SPOCK3: variants seen among roughly 807,000 people sequenced by gnomAD.
SPOCK3 encodes testican-3.
In SPOCK3, 30 loss-of-function variants were observed where a neutral mutation model predicts 56.6. That is an observed-to-expected ratio of 0.53 (90% CI 0.40 to 0.72). SPOCK3 has a LOEUF of 0.72. SPOCK3 is among the 30% of genes least tolerant of loss of function. The pLI is 0.00. For synonymous variants in SPOCK3, 196 were observed against 183.3 expected, an observed-to-expected ratio of 1.07 and a Z score of -0.56; for missense variants, 527 against 530.0, an observed-to-expected ratio of 0.99 and a Z score of 0.06.
intron 2 of SPOCK3, among the ~76,000 whole-genome samples, chr4:167,067,375 A>G (rs964363971): frequency 6.6e-6 from 1 of 151,904 alleles, no homozygotes; most frequent in South Asian, 2.1e-4. Flanking sequence ...CTATAAAAAG[A>G]TCACATCATT....
At chr4:166,869,075 G>C (rs1035135201) in intron 6 of SPOCK3, among the ~76,000 whole-genome samples, 6 of 149,900 alleles carry the variant, frequency 4.0e-5, no homozygotes, top group African/African-American at 1.2e-4. Context: ...AAATTACAAA[G>C]CTGCTCCCAG....
At chr4:167,063,703 T>C (rs980788161) in intron 2 of SPOCK3, among the ~76,000 whole-genome samples, 1 of 151,884 alleles carries the variant, frequency 6.6e-6, no homozygotes, top group Non-Finnish European at 1.5e-5. Context: ...AAGTATCTCG[T>C]GTATTATTTC....
intron 2 of SPOCK3, among the ~76,000 whole-genome samples, chr4:167,069,987 C>A (rs1221852467): frequency 6.6e-6 from 1 of 151,918 alleles, no homozygotes; most frequent in Non-Finnish European, 1.5e-5. Context: ...TCCAAACTTA[C>A]TTTCCTGACT....
intron 4 of SPOCK3, among the ~76,000 whole-genome samples, chr4:166,960,376 T>G (rs1393214584): frequency 6.6e-6 from 1 of 152,092 alleles, no homozygotes; most frequent in East Asian, 1.9e-4. Flanking sequence ...GAGAAATAAC[T>G]TTAGGTGGGG....
intron 2 of SPOCK3, among the ~76,000 whole-genome samples, chr4:167,063,835 T>G (rs139948742): frequency 1.3e-5 from 2 of 151,904 alleles, no homozygotes; most frequent in Admixed American, 6.6e-5. Context: ...CCACCCACGT[T>G]GAGGCAAAAG....
intron 2 of SPOCK3, among the ~76,000 whole-genome samples, chr4:167,142,482 A>G (rs815231): frequency 1 from 151,921 of 152,008 alleles, 75,917 homozygotes; most frequent in Middle Eastern, 1. Context: ...AGCAAATGAA[A>G]TATAATATAC....
rs545248568 is a variant in SPOCK3, at chr4:167,226,935, G to A, written c.189+7050C>T. On this transcript the variant is annotated intron_variant, in intron 2 of 10. Transcript: ENST00000357545. Reference sequence around the variant, plus strand: ...GGAACTTAACCTCTCTCTAACCAACGCATTGGCAGTTGTAAGTGAGGTGGA... The same window carrying A: ...GGAACTTAACCTCTCTCTAACCAACACATTGGCAGTTGTAAGTGAGGTGGA... 1.3e-4 allele frequency among the ~76,000 whole-genome samples: 20 copies of A among 152,118 alleles called. No individual in the cohort carries two copies. The East Asian group carries it at 1.9e-3, about 15-fold the overall frequency.
intron 5 of SPOCK3, among the ~76,000 whole-genome samples, chr4:166,901,900 T>G (rs1399278246): frequency 6.6e-6 from 1 of 152,004 alleles, no homozygotes; most frequent in African/African-American, 2.4e-5. Flanking sequence ...ATGAGATAAA[T>G]TGAACAGATT....
At chr4:166,789,809 T>C (rs1335756904) in intron 7 of SPOCK3, among the ~76,000 whole-genome samples, 1 of 152,204 alleles carries the variant, frequency 6.6e-6, no homozygotes, top group Admixed American at 6.5e-5. Context: ...CAGGGAAAAG[T>C]TAACTCTCAT....
chr4:166,770,480 C>T (rs4241630), intron 7 of SPOCK3, among the ~76,000 whole-genome samples: 49,590 of 151,834 alleles, frequency 0.33, 8,277 homozygotes, highest in Admixed American at 0.41. Context: ...ATATCAGGTC[C>T]TGAGATTAGA....
chr4:166,913,078 G>A (rs1433497837), intron 4 of SPOCK3, among the ~76,000 whole-genome samples: 2 of 151,900 alleles, frequency 1.3e-5, no homozygotes, highest in Non-Finnish European at 2.9e-5. Context: ...TCACACATCT[G>A]GCACCTTCTT....
At chr4:167,200,491 C>T (rs1733415911) in intron 2 of SPOCK3, among the ~76,000 whole-genome samples, 1 of 151,874 alleles carries the variant, frequency 6.6e-6, no homozygotes, top group African/African-American at 2.4e-5. Context: ...CTAGATACAC[C>T]ATAAAGTGCT....
At chr4:166,991,228 A>T (rs1747746619) in intron 4 of SPOCK3, among the ~76,000 whole-genome samples, 1 of 152,078 alleles carries the variant, frequency 6.6e-6, no homozygotes, top group African/African-American at 2.4e-5. Context: ...CAACTTAGAG[A>T]TAATGGCTGA....
intron 2 of SPOCK3, among the ~76,000 whole-genome samples, chr4:167,195,565 G>T (rs933073840): frequency 1.3e-5 from 2 of 152,206 alleles, no homozygotes; most frequent in Non-Finnish European, 2.9e-5. Context: ...CCTAGACTGG[G>T]ACTGAGACAG....
At chr4:166,981,187 G>A (rs564541820) in intron 4 of SPOCK3, among the ~76,000 whole-genome samples, 1 of 150,800 alleles carries the variant, frequency 6.6e-6, no homozygotes, top group South Asian at 2.1e-4. Context: ...CACAGGAAGG[G>A]CATTCCGTGA....
intron 7 of SPOCK3, among the ~76,000 whole-genome samples, chr4:166,776,394 A>T (rs754280386): frequency 2.6e-5 from 4 of 152,152 alleles, no homozygotes; most frequent in Non-Finnish European, 5.9e-5. Flanking sequence ...GTCTGGTGAC[A>T]GAGTGAGACT....
intron 4 of SPOCK3, among the ~76,000 whole-genome samples, chr4:166,990,524 ATTAT>A (rs1320583457): frequency 2.6e-5 from 4 of 152,106 alleles, no homozygotes; most frequent in African/African-American, 9.7e-5. Flanking sequence ...TAATTTCCTA[ATTAT>A]TTATCTACAT....
intron 2 of SPOCK3, among the ~76,000 whole-genome samples, chr4:167,066,133 C>T (rs2150254751): frequency 6.6e-6 from 1 of 151,756 alleles, no homozygotes; most frequent in East Asian, 1.9e-4. Context: ...TGTCTTTTTC[C>T]TTGTGGTTTT....
chr4:167,131,872 T>C lies in SPOCK3; in HGVS notation c.190-69335A>G, dbSNP rs575310428. Among the ~76,000 whole-genome samples the C allele has an allele frequency of 2.6e-5, 4 of 152,338 alleles. No homozygotes were observed. The East Asian group carries it at 7.7e-4, about 29-fold the overall frequency. ...CCATGAAGTATAAGTACTATGAATC[T>C]CAAAACCTAAGAAAAATCTGTTCCA... is the stretch of plus-strand genomic sequence containing the variant. On this transcript the variant is annotated intron_variant, in intron 2 of 10. Coordinates refer to ENST00000357545, the MANE Select transcript of SPOCK3 (RefSeq NM_001040159.2).
Sources: allele counts gnomAD v4.1 joint callset (sites outside exome capture counted in the v4.1 genomes callset), GRCh38; gene constraint gnomAD v4.1.1; transcripts MANE v1.5; gene names NCBI Gene and HGNC (gene_info 2026-07-23, HGNC 2026-07-21).